CALD1: variants seen among roughly 807,000 people sequenced by gnomAD.
CALD1 encodes caldesmon.
A neutral mutation model predicts 99.9 loss-of-function variants in CALD1; 33 were observed. The observed-to-expected ratio is 0.33, with a 90% CI of 0.25 to 0.44. CALD1 has a LOEUF of 0.44. Among genes scored for constraint, CALD1 ranks in the 20% least tolerant of loss-of-function variants. CALD1 has a pLI of 1.00. For missense variants in CALD1, 861 were observed against 962.1 expected, an observed-to-expected ratio of 0.89 and a Z score of 1.39; for synonymous variants, 310 against 325.0, an observed-to-expected ratio of 0.95 and a Z score of 0.50.
intron 4 of CALD1, among the ~76,000 whole-genome samples, chr7:134,930,974 C>T (rs2132939866): frequency 6.6e-6 from 1 of 152,266 alleles, no homozygotes; most frequent in Admixed American, 6.5e-5. Context: ...TCAACAGGAG[C>T]TTTAAAAATT....
chr7:134,959,832 C>T (rs1808116859), intron 11 of CALD1, 142 bp from the exon 12 acceptor site: 1 of 777,024 alleles, frequency 1.3e-6, no homozygotes, highest in South Asian at 2.0e-5. Flanking sequence ...AGTTTTACAA[C>T]AGAAATTATC....
intron 1 of CALD1, among the ~76,000 whole-genome samples, chr7:134,804,282 T>C (rs1798053884): frequency 6.6e-6 from 1 of 152,248 alleles, no homozygotes; most frequent in African/African-American, 2.4e-5. Context: ...TCCTTGCTAC[T>C]ATCCCCCATG....
At chr7:134,962,994 T>C in intron 13 of CALD1, 2 of 450,102 alleles carry the variant, frequency 4.4e-6, no homozygotes, top group Admixed American at 4.8e-5. Flanking sequence ...CAGATGTTCA[T>C]ATTTTCTTAA....
chr7:134,739,766 A>G (rs1205067439), upstream of CALD1, among the ~76,000 whole-genome samples: 4 of 152,090 alleles, frequency 2.6e-5, no homozygotes, highest in African/African-American at 9.7e-5. Context: ...TGAGTGAGAA[A>G]TAAGCTTCCG....
intron 3 of CALD1, among the ~76,000 whole-genome samples, chr7:134,875,379 T>C (rs1801298489): frequency 6.6e-6 from 1 of 152,198 alleles, no homozygotes; most frequent in African/African-American, 2.4e-5. Context: ...CTCACGCCTG[T>C]AATCCCAACA....
chr7:134,781,501 G>A (rs1797102898), intron 1 of CALD1, among the ~76,000 whole-genome samples: 1 of 152,080 alleles, frequency 6.6e-6, no homozygotes, highest in African/African-American at 2.4e-5. Context: ...AGAGTGAGAG[G>A]ATTTGAGTTT....
chr7:134,884,921 A>G (rs1315587024), intron 3 of CALD1, among the ~76,000 whole-genome samples: 2 of 152,120 alleles, frequency 1.3e-5, no homozygotes, highest in Non-Finnish European at 2.9e-5. Context: ...GTATTTATCC[A>G]TATTTTCTTT....
chr7:134,916,801 T>C (rs1185898060), intron 3 of CALD1, among the ~76,000 whole-genome samples: 2 of 152,232 alleles, frequency 1.3e-5, no homozygotes, highest in Admixed American at 6.5e-5. Context: ...CCACATGAGA[T>C]TATGGACTTT....
chr7:134,750,990 T>C (rs1796681221), intron 1 of CALD1, among the ~76,000 whole-genome samples: 1 of 152,204 alleles, frequency 6.6e-6, no homozygotes, highest in Non-Finnish European at 1.5e-5. Flanking sequence ...TGTATTTTAA[T>C]CTGAAGCCCC....
At chr7:134,861,984 C>T (rs1345447111) in intron 2 of CALD1, among the ~76,000 whole-genome samples, 2 of 152,148 alleles carry the variant, frequency 1.3e-5, no homozygotes, top group Non-Finnish European at 2.9e-5. Flanking sequence ...TACAGCCATC[C>T]TGAGTTACGA....
the CALD1 span, among the ~76,000 whole-genome samples, chr7:134,739,031 G>A: frequency 0.73 from 110,863 of 152,194 alleles, 41,827 homozygotes; most frequent in East Asian, 0.99. Flanking sequence ...TCCTGGTCTC[G>A]ACAGGCACTC....
At chr7:134,898,932 C>T (rs1052198448) in intron 3 of CALD1, among the ~76,000 whole-genome samples, 2 of 152,156 alleles carry the variant, frequency 1.3e-5, no homozygotes, top group South Asian at 2.1e-4. Flanking sequence ...TGTAAAGGAG[C>T]GTGCTTTGCC....
chr7:134,891,403 G>A (rs751163669), intron 3 of CALD1: 5 of 1,271,088 alleles, frequency 3.9e-6, no homozygotes, highest in East Asian at 2.9e-5. Context: ...AGGAGGGAAC[G>A]GGTTGGGAGG....
chr7:134,784,311 C>A (rs1797223664), intron 1 of CALD1, among the ~76,000 whole-genome samples: 1 of 152,186 alleles, frequency 6.6e-6, no homozygotes, highest in African/African-American at 2.4e-5. Context: ...ATATAACATT[C>A]CCCCTCGCTT....
chr7:134,919,760 T>C (rs918860950), intron 3 of CALD1, among the ~76,000 whole-genome samples: 4 of 152,194 alleles, frequency 2.6e-5, no homozygotes, highest in African/African-American at 4.8e-5. Context: ...GATACAGCAA[T>C]GAACCCCACA....
chr7:134,742,728 C>T (rs139987855), upstream of CALD1, among the ~76,000 whole-genome samples: 388 of 152,366 alleles, frequency 2.5e-3, 3 homozygotes, highest in African/African-American at 8.6e-3. Flanking sequence ...AGCATAATTT[C>T]CCACAAAGAC....
At chr7:134,716,998 T>C in the CALD1 span, among the ~76,000 whole-genome samples, 421 of 152,314 alleles carry the variant, frequency 2.8e-3, no homozygotes, top group Non-Finnish European at 5.3e-3. Context: ...ATACTTATCT[T>C]AGACTCTGTC....
At chr7:134,745,289 CTAGTT>C (rs1386678242) in intron 1 of CALD1, among the ~76,000 whole-genome samples, 5 of 152,094 alleles carry the variant, frequency 3.3e-5, no homozygotes, top group Admixed American at 6.5e-5. Context: ...AATTAGTTGA[CTAGTT>C]TAGAGTTTAA....
intron 1 of CALD1, among the ~76,000 whole-genome samples, chr7:134,770,853 C>T (rs771467087): frequency 1.7e-4 from 26 of 152,126 alleles, no homozygotes; most frequent in Non-Finnish European, 3.4e-4. Context: ...ACAGGCACGC[C>T]GTCACCTCTG....
Sources: allele counts gnomAD v4.1 joint callset (sites outside exome capture counted in the v4.1 genomes callset), GRCh38; gene constraint gnomAD v4.1.1; transcripts MANE v1.5; gene names NCBI Gene and HGNC (gene_info 2026-07-23, HGNC 2026-07-21).